The following BMPER variants were observed in gnomAD, a reference collection of about 807,000 sequenced individuals.
BMPER encodes BMP binding endothelial regulator.
In BMPER, 45 loss-of-function variants were observed where a neutral mutation model predicts 87.3. That is an observed-to-expected ratio of 0.52 (90% confidence interval 0.41 to 0.66). The LOEUF (loss-of-function observed/expected upper bound fraction) is 0.66. BMPER is among the 30% of genes least tolerant of loss of function. BMPER has a pLI of 0.00. For synonymous variants in BMPER, 326 were observed against 316.2 expected, an observed-to-expected ratio of 1.03 and a Z score of -0.33; for missense variants, 784 against 867.5, an observed-to-expected ratio of 0.90 and a Z score of 1.21.
intron 3 of BMPER, among the ~76,000 whole-genome samples, chr7:33,961,345 C>G (rs902244452): frequency 1.3e-5 from 2 of 152,144 alleles, no homozygotes; most frequent in African/African-American, 4.8e-5. Context: ...TCCAATTTGT[C>G]TAGAATAAAA....
At chr7:33,929,702 C>T (rs1326979589) in intron 2 of BMPER, among the ~76,000 whole-genome samples, 4 of 152,100 alleles carry the variant, frequency 2.6e-5, no homozygotes, top group Non-Finnish European at 5.9e-5. Flanking sequence ...CTGGGTGAGC[C>T]GTTTAACCTC....
intron 13 of BMPER, among the ~76,000 whole-genome samples, chr7:34,107,825 A>G (rs1283546991): frequency 6.6e-6 from 1 of 152,114 alleles, no homozygotes; most frequent in Non-Finnish European, 1.5e-5. Flanking sequence ...ATGAGAACTT[A>G]TTGTCAAATC....
chr7:33,925,302 A>G (rs1490480602), intron 2 of BMPER, among the ~76,000 whole-genome samples: 1 of 152,062 alleles, frequency 6.6e-6, no homozygotes, highest in Non-Finnish European at 1.5e-5. Flanking sequence ...TGTACTCTAA[A>G]CTTTGCTTTT....
intron 13 of BMPER, among the ~76,000 whole-genome samples, chr7:34,129,016 A>G (rs1790477078): frequency 6.6e-6 from 1 of 152,246 alleles, no homozygotes; most frequent in African/African-American, 2.4e-5. Context: ...GCGCTAAACC[A>G]CAGTGGGTTG....
chr7:33,945,741 T>C lies in BMPER; in HGVS notation c.319+8353T>C, dbSNP rs114289199. Among the ~76,000 whole-genome samples the C allele has an allele frequency of 5.5e-3, 834 of 152,322 alleles. 6 individuals are homozygous for C. The highest frequency in any genetic ancestry group is 0.017 in the African/African-American group (727 of 41,578). ...CAGAAGGACTTATGTTCCCCATTGC[T>C]GGATACCAAGTTATTTGGTTTATGC... On this transcript the variant is annotated intron_variant, in intron 3 of 14. Transcript: ENST00000649409.
At chr7:34,109,960 A>G (rs899293118) in intron 13 of BMPER, among the ~76,000 whole-genome samples, 10 of 152,094 alleles carry the variant, frequency 6.6e-5, no homozygotes, top group Admixed American at 6.5e-5. Context: ...TTAATGTTAT[A>G]GAGAATCTTG....
rs1250164328 is a variant in BMPER at position 34,122,840 on chromosome 7, A to AT, written c.1746-20383dup. Among the ~76,000 whole-genome samples, 4 of 152,280 alleles carry AT rather than the reference A, an allele frequency of 2.6e-5. No individual in the cohort carries two copies. The South Asian group carries it at 6.2e-4, about 24-fold the overall frequency. ...ATTTTCATCCAAGGTCTGAAATAAC[A>AT]TTTTTTTAAATCGGTATTTACCTGA... is the stretch of plus-strand genomic sequence containing the variant. On this transcript the variant is annotated intron_variant, in intron 13 of 14. Transcript: ENST00000649409.
intron 13 of BMPER, among the ~76,000 whole-genome samples, chr7:34,118,892 G>A (rs1306166110): frequency 6.6e-6 from 1 of 151,934 alleles, no homozygotes; most frequent in East Asian, 1.9e-4. Context: ...GTCACCTCTT[G>A]CCTGGGTCTC....
chr7:34,069,224 A>G (rs1788676953), intron 11 of BMPER, among the ~76,000 whole-genome samples: 1 of 152,230 alleles, frequency 6.6e-6, no homozygotes, highest in African/African-American at 2.4e-5. Context: ...ACGACAAAAC[A>G]AATGAACAAT....
chr7:33,935,928 C>T lies in BMPER; in HGVS notation c.220-1361C>T, dbSNP rs1397597816. Among the ~76,000 whole-genome samples the T allele has an allele frequency of 3.3e-5, 5 of 152,088 alleles. No homozygotes were observed. The South Asian group carries it at 8.3e-4, about 25-fold the overall frequency. On this transcript the variant is annotated intron_variant, in intron 2 of 14. Coordinates refer to ENST00000649409, the MANE Select transcript of BMPER (RefSeq NM_001365308.1). Reference sequence around the variant, plus strand: ...GCCTCAGTTGGCCTTGCAAAAGCCACGAGGGCAGGGAAATAACAGGGCTGA... The same window carrying T: ...GCCTCAGTTGGCCTTGCAAAAGCCATGAGGGCAGGGAAATAACAGGGCTGA...
chr7:34,062,434 A>G (rs1788460655), intron 11 of BMPER, among the ~76,000 whole-genome samples: 1 of 152,194 alleles, frequency 6.6e-6, no homozygotes, highest in African/African-American at 2.4e-5. Flanking sequence ...CTCCCATTAT[A>G]AAGCCAAACA....
At chr7:33,985,704 T>C (rs1283133173) in intron 6 of BMPER, among the ~76,000 whole-genome samples, 1 of 152,162 alleles carries the variant, frequency 6.6e-6, no homozygotes, top group African/African-American at 2.4e-5. Context: ...ACTGAGCATT[T>C]TCCATATGTT....
chr7:34,026,235 C>G (rs192982785), intron 6 of BMPER, among the ~76,000 whole-genome samples: 1 of 151,878 alleles, frequency 6.6e-6, no homozygotes, highest in African/African-American at 2.4e-5. Context: ...GGATTTGGAT[C>G]AGTGGTGGGG....
At chr7:33,951,894 A>G (rs183048709) in intron 3 of BMPER, among the ~76,000 whole-genome samples, 23 of 152,254 alleles carry the variant, frequency 1.5e-4, no homozygotes, top group African/African-American at 5.3e-4. Flanking sequence ...AGAATGGATA[A>G]ATAGGGATGA....
chr7:33,993,902 G>C (rs567140610), intron 6 of BMPER, among the ~76,000 whole-genome samples: 15 of 152,322 alleles, frequency 9.8e-5, no homozygotes, highest in Non-Finnish European at 1.8e-4. Context: ...GTGTGCCCCT[G>C]CTGGAGGGTG....
At chr7:34,077,652 T>C (rs1236403786) in intron 11 of BMPER, among the ~76,000 whole-genome samples, 2 of 152,262 alleles carry the variant, frequency 1.3e-5, no homozygotes, top group Non-Finnish European at 2.9e-5. Context: ...GAAATTGACA[T>C]ATAAAATGAC....
chr7:33,930,439 C>T (rs1413922774), intron 2 of BMPER, among the ~76,000 whole-genome samples: 2 of 152,148 alleles, frequency 1.3e-5, no homozygotes, highest in African/African-American at 2.4e-5. Context: ...ACTGGGCTAT[C>T]TCAGGGCCCC....
intron 6 of BMPER, among the ~76,000 whole-genome samples, chr7:34,020,890 ACG>A (rs1491403955): frequency 3.3e-5 from 5 of 150,052 alleles, no homozygotes; most frequent in East Asian, 2.0e-4. Context: ...ACACACACAC[ACG>A]CACGCACACA....
chr7:34,134,258 C>A (rs1790663918), intron 13 of BMPER, among the ~76,000 whole-genome samples: 1 of 152,130 alleles, frequency 6.6e-6, no homozygotes, highest in African/African-American at 2.4e-5. Flanking sequence ...GATTTTCTGC[C>A]AAGCACCATT....
Sources: gnomAD v4.1 joint callset for allele counts (sites outside exome capture counted in the v4.1 genomes callset) on GRCh38, gnomAD v4.1.1 for gene constraint, MANE v1.5 for transcripts, NCBI Gene and HGNC (gene_info 2026-07-23, HGNC 2026-07-21) for gene names.